Variants in GRIK4 observed in about 807,000 individuals in gnomAD.
GRIK4 encodes glutamate ionotropic receptor kainate type subunit 4, also known as glutamate receptor ionotropic, kainate 4.
A neutral mutation model predicts 104.9 loss-of-function variants in GRIK4; 40 were observed. The ratio of observed to expected loss-of-function variants is 0.38; its 90% CI spans 0.30 to 0.50. The LOEUF is 0.50. GRIK4 is among the 20% of genes least tolerant of loss of function. The pLI is 0.93. For synonymous variants in GRIK4, 485 were observed against 524.9 expected (o/e 0.92, Z 1.04); for missense variants, 1,047 against 1,308.1 (o/e 0.80, Z 3.08).
chr11:120,823,323 C>T (rs114783525), intron 6 of GRIK4, among the ~76,000 whole-genome samples: 180 of 152,356 alleles, frequency 1.2e-3, no homozygotes, highest in African/African-American at 4.2e-3. Flanking sequence ...CTACTACACA[C>T]TAAGCACTAT....
chr11:120,611,792 A>G (rs866179566), intron 1 of GRIK4, among the ~76,000 whole-genome samples: 1 of 152,144 alleles, frequency 6.6e-6, no homozygotes, highest in African/African-American at 2.4e-5. Flanking sequence ...CCGCAGCATC[A>G]GTGTTCCTGA....
At chr11:120,638,834 A>G (rs1356280176) in intron 1 of GRIK4, among the ~76,000 whole-genome samples, 1 of 152,014 alleles carries the variant, frequency 6.6e-6, no homozygotes, top group Non-Finnish European at 1.5e-5. Flanking sequence ...CAGGGATTAG[A>G]ACTATTTTTT....
chr11:120,822,521 C>G (rs1953154495), intron 6 of GRIK4, among the ~76,000 whole-genome samples: 2 of 152,182 alleles, frequency 1.3e-5, no homozygotes, highest in South Asian at 2.1e-4. Flanking sequence ...GCAGTAGCCA[C>G]AAGCCACGTA....
intron 1 of GRIK4, among the ~76,000 whole-genome samples, chr11:120,600,874 G>A (rs1948874973): frequency 1.3e-5 from 2 of 148,304 alleles, no homozygotes; most frequent in Non-Finnish European, 3.0e-5. Context: ...ACCAGCCTGG[G>A]CAACATACTG....
At position 120,802,785 on chromosome 11, in the gene GRIK4, C is replaced by T; in HGVS notation, c.175C>T (p.Leu59=). ...CCGCATCAACCGCGCTCCTGAGAGG[C>T]TGGGCAAGGCCAAGGTCGAAGTGGA... is the stretch of plus-strand genomic sequence containing the variant. The part of the protein sequence containing the change: ...KNRINRAPER[L]GKAKVEVDIF... Residue 59 remains leucine, a synonymous_variant, in exon 4 of 21, where the codon CTG becomes TTG. Coordinates refer to ENST00000527524, the MANE Select transcript of GRIK4 (RefSeq NM_014619.5). 1.2e-6 allele frequency: 2 copies of T among 1,614,146 alleles called. No homozygotes were observed. The highest frequency in any genetic ancestry group is 2.2e-5 in the South Asian group (2 of 91,086).
chr11:120,733,296 A>G (rs1951169943), intron 3 of GRIK4, among the ~76,000 whole-genome samples: 2 of 152,054 alleles, frequency 1.3e-5, no homozygotes, highest in Admixed American at 6.6e-5. Flanking sequence ...TTTTTATTGG[A>G]GAATTTAGTC....
At chr11:120,857,418 C>A (rs1659548475) in intron 8 of GRIK4, among the ~76,000 whole-genome samples, 1 of 152,110 alleles carries the variant, frequency 6.6e-6, no homozygotes, top group Admixed American at 6.5e-5. Flanking sequence ...CCACTTGTGG[C>A]TCTGACCTGA....
At chr11:120,695,975 C>T (rs1950442267) in intron 3 of GRIK4, among the ~76,000 whole-genome samples, 1 of 152,172 alleles carries the variant, frequency 6.6e-6, no homozygotes, top group African/African-American at 2.4e-5. Context: ...ATGCCTCCTC[C>T]CAGGGGCCTC....
At chr11:120,874,507 T>C (rs1954718675) in intron 10 of GRIK4, among the ~76,000 whole-genome samples, 1 of 152,186 alleles carries the variant, frequency 6.6e-6, no homozygotes, top group African/African-American at 2.4e-5. Context: ...GCACCTGGCC[T>C]CTCTGCTCAG....
At chr11:120,700,780 CAG>C (rs1301468517) in intron 3 of GRIK4, among the ~76,000 whole-genome samples, 1 of 152,070 alleles carries the variant, frequency 6.6e-6, no homozygotes, top group Admixed American at 6.6e-5. Flanking sequence ...TTAGTAGAGA[CAG>C]GGTTTCACCA....
intron 1 of GRIK4, among the ~76,000 whole-genome samples, chr11:120,632,119 T>TGGGA (rs1425819379): frequency 4.3e-4 from 65 of 152,148 alleles, no homozygotes; most frequent in Non-Finnish European, 2.9e-5. Context: ...AGTGAGCCTT[T>TGGGA]GGGAGGTCAT....
chr11:120,530,060 G>A (rs1190794333), intron 1 of GRIK4, among the ~76,000 whole-genome samples: 1 of 152,186 alleles, frequency 6.6e-6, no homozygotes, highest in East Asian at 1.9e-4. Context: ...GTCCTATGAG[G>A]CCCCATGTTC....
chr11:120,966,698 A>G (rs10892654), intron 18 of GRIK4, among the ~76,000 whole-genome samples: 7,771 of 152,166 alleles, frequency 0.051, 251 homozygotes, highest in Middle Eastern at 0.11. Flanking sequence ...AATAAAGTAG[A>G]AATTGGACAC....
intron 14 of GRIK4, among the ~76,000 whole-genome samples, chr11:120,948,717 T>C (rs922969452): frequency 6.6e-6 from 1 of 152,176 alleles, no homozygotes; most frequent in African/African-American, 2.4e-5. Flanking sequence ...TCTTGTCCAT[T>C]GAGGAAGGCA....
intron 1 of GRIK4, among the ~76,000 whole-genome samples, chr11:120,651,031 A>C (rs975833393): frequency 2.0e-5 from 3 of 152,258 alleles, no homozygotes; most frequent in East Asian, 3.9e-4. Flanking sequence ...CCTCTGCCAG[A>C]AGGACTGACT....
At chr11:120,695,733 C>G (rs1021663236) in intron 3 of GRIK4, among the ~76,000 whole-genome samples, 1 of 152,220 alleles carries the variant, frequency 6.6e-6, no homozygotes, top group Non-Finnish European at 1.5e-5. Context: ...AGGTGAGATG[C>G]AGTGTCATTA....
chr11:120,896,971 T>C (rs1033072011), intron 11 of GRIK4, among the ~76,000 whole-genome samples: 2 of 152,176 alleles, frequency 1.3e-5, no homozygotes, highest in African/African-American at 4.8e-5. Flanking sequence ...AGTAGAGATA[T>C]ATTGGGATTT....
intron 13 of GRIK4, among the ~76,000 whole-genome samples, chr11:120,934,290 G>C (rs893117368): frequency 2.6e-5 from 4 of 151,580 alleles, no homozygotes; most frequent in East Asian, 1.9e-4. Context: ...TTGCCCGAAA[G>C]GGGGCAGCAG....
intron 9 of GRIK4, chr11:120,871,838 G>GC (rs1177583219): frequency 4.4e-6 from 2 of 456,232 alleles, no homozygotes; most frequent in Non-Finnish European, 8.8e-6. Context: ...GCATACACCA[G>GC]CCAGGTAGTT....
Sources: allele counts gnomAD v4.1 joint callset (sites outside exome capture counted in the v4.1 genomes callset), GRCh38; gene constraint gnomAD v4.1.1; transcripts MANE v1.5; gene names NCBI Gene and HGNC (gene_info 2026-07-23, HGNC 2026-07-21).